The following TGFBR3 variants were observed in gnomAD, a reference collection of about 807,000 sequenced individuals.
TGFBR3 encodes the protein transforming growth factor beta receptor type 3.
A neutral mutation model predicts 87.9 loss-of-function variants in TGFBR3; 46 were observed. The ratio of observed to expected loss-of-function variants is 0.52; its 90% CI spans 0.41 to 0.67. The LOEUF (loss-of-function observed/expected upper bound fraction) is 0.67. TGFBR3 is among the 30% of genes least tolerant of loss of function. The pLI is 0.00. For synonymous variants in TGFBR3, 381 were observed against 391.6 expected (o/e 0.97, Z 0.32); for missense variants, 866 against 1,041.9 (o/e 0.83, Z 2.32).
At chr1:91,844,805 A>G (rs1453579742) in intron 2 of TGFBR3, among the ~76,000 whole-genome samples, 1 of 152,234 alleles carries the variant, frequency 6.6e-6, no homozygotes, top group East Asian at 1.9e-4. Context: ...TTTTAACCAT[A>G]ATAAAGCAGC....
chr1:91,849,813 T>C (rs1215838478), intron 2 of TGFBR3, among the ~76,000 whole-genome samples: 26 of 151,966 alleles, frequency 1.7e-4, no homozygotes, highest in Admixed American at 1.6e-3. Flanking sequence ...GCCAGCGAGG[T>C]GGCTCACGCC....
chr1:91,886,470 C>T (rs1679322143), upstream of TGFBR3, among the ~76,000 whole-genome samples: 1 of 152,192 alleles, frequency 6.6e-6, no homozygotes, highest in Non-Finnish European at 1.5e-5. Context: ...CGGCCCCTGT[C>T]CTGGGGGAAG....
intron 4 of TGFBR3, among the ~76,000 whole-genome samples, 168 bp from the exon 5 acceptor site, chr1:91,735,127 T>TA (rs1296355047): frequency 6.6e-6 from 1 of 152,234 alleles, no homozygotes; most frequent in Non-Finnish European, 1.5e-5. Context: ...ATCCCAAGCC[T>TA]AGTCCTCCCA....
At chr1:91,827,041 A>T (rs1181332353) in intron 2 of TGFBR3, among the ~76,000 whole-genome samples, 1 of 152,192 alleles carries the variant, frequency 6.6e-6, no homozygotes, top group Non-Finnish European at 1.5e-5. Flanking sequence ...AGTTGCCTTT[A>T]TTGATTCAAG....
intron 3 of TGFBR3, among the ~76,000 whole-genome samples, chr1:91,764,602 C>T (rs114313116): frequency 3.6e-4 from 55 of 152,064 alleles, no homozygotes; most frequent in African/African-American, 1.2e-3. Flanking sequence ...GCAGGCAAAG[C>T]GGAGACCCTG....
chr1:91,707,009 G>C (rs1671820108), intron 14 of TGFBR3, among the ~76,000 whole-genome samples: 2 of 152,180 alleles, frequency 1.3e-5, no homozygotes, highest in Non-Finnish European at 2.9e-5. Flanking sequence ...ATGTTGCCGA[G>C]AACATCTCAT....
Position 91,683,676 on chromosome 1 carries a change from C to A in TGFBR3, c.*63G>T. The A allele has an allele frequency of 7.3e-7, 1 of 1,373,484 alleles. No individual in the cohort carries two copies. The highest frequency in any genetic ancestry group is 1.0e-6 in the Non-Finnish European group (1 of 1,002,258). 85.1% of individuals were successfully genotyped at this position (1,373,484 alleles called of 1,614,324 possible). A position where few individuals can be genotyped will look rare whatever the true frequency, so the allele number is the denominator to read the frequency against. ...ACACGAGGCTCAGCCATTGGTCCTG[C>A]CCTTGGCAGTAGCTGAGCTGAGCTG... On this transcript the variant is annotated 3_prime_UTR_variant, in exon 17 of 17. Coordinates refer to ENST00000212355, the MANE Select transcript of TGFBR3 (RefSeq NM_003243.5).
chr1:91,695,549 T>C, intron 16 of TGFBR3, 123 bp downstream of exon 16: 1 of 861,086 alleles, frequency 1.2e-6, no homozygotes. Context: ...AATATGTAAA[T>C]GTAAAAATAG....
chr1:91,689,136 C>T (rs566468754), intron 16 of TGFBR3, among the ~76,000 whole-genome samples: 4 of 152,288 alleles, frequency 2.6e-5, no homozygotes, highest in African/African-American at 9.6e-5. Flanking sequence ...AGCATCTGGC[C>T]ATTCATACCC....
upstream of TGFBR3, among the ~76,000 whole-genome samples, chr1:91,888,723 G>T (rs917847268): frequency 5.5e-4 from 83 of 152,044 alleles, no homozygotes; most frequent in African/African-American, 1.9e-3. Flanking sequence ...TAAATTAAAT[G>T]TATCAATCAT....
intron 16 of TGFBR3, among the ~76,000 whole-genome samples, chr1:91,690,700 T>A (rs918339609): frequency 2.0e-5 from 3 of 152,102 alleles, no homozygotes; most frequent in Admixed American, 2.0e-4. Context: ...TTTATTTTTA[T>A]CAGTGCCCAT....
At chr1:91,846,046 T>C (rs1235283302) in intron 2 of TGFBR3, among the ~76,000 whole-genome samples, 1 of 152,236 alleles carries the variant, frequency 6.6e-6, no homozygotes, top group Non-Finnish European at 1.5e-5. Context: ...TCTCTAGGTC[T>C]GCAAGTGTCC....
chr1:91,783,497 T>C (rs993811611), intron 3 of TGFBR3, among the ~76,000 whole-genome samples: 3 of 152,184 alleles, frequency 2.0e-5, no homozygotes, highest in Admixed American at 2.0e-4. Context: ...GCAGCAGGTC[T>C]TCCAAACACA....
chr1:91,767,184 A>G (rs188645594), intron 3 of TGFBR3, among the ~76,000 whole-genome samples: 1 of 134,414 alleles, frequency 7.4e-6, no homozygotes, highest in African/African-American at 2.8e-5. Context: ...AATTTGTAAT[A>G]GCAAAAACAA....
At chr1:91,777,766 G>A (rs1261691057) in intron 3 of TGFBR3, among the ~76,000 whole-genome samples, 1 of 152,138 alleles carries the variant, frequency 6.6e-6, no homozygotes, top group African/African-American at 2.4e-5. Flanking sequence ...TCTGTTACAG[G>A]TGTTGCTCTT....
In TGFBR3 at chr1:91,856,382, T is replaced by C. The variant is rs77232567; in HGVS notation, c.61+5089A>G. Among the ~76,000 whole-genome samples the C allele has an allele frequency of 5.8e-3, 876 of 152,124 alleles. 13 individuals are homozygous for C. Among genetic ancestry groups the C allele is most frequent in the African/African-American group, 0.02 (830 of 41,502 alleles). On this transcript the variant is annotated intron_variant, in intron 2 of 16. Transcript: ENST00000212355. ...CGCCCAGCCGAAAGCATGAGTTTTG[T>C]CAGAACAACACTAACACTGGGACAT...
chr1:91,873,457 A>AT (rs963837959), intron 1 of TGFBR3, among the ~76,000 whole-genome samples: 15 of 148,884 alleles, frequency 1.0e-4, no homozygotes, highest in South Asian at 2.1e-4. Context: ...TAATTTTTGT[A>AT]TTTTTTTTTA....
chr1:91,698,373 A>G (rs1448940741), intron 14 of TGFBR3, among the ~76,000 whole-genome samples: 1 of 152,154 alleles, frequency 6.6e-6, no homozygotes, highest in Non-Finnish European at 1.5e-5. Flanking sequence ...GAAGGCAAAC[A>G]CCTAAACTTA....
chr1:91,875,240 C>G (rs1049324167), intron 1 of TGFBR3, among the ~76,000 whole-genome samples: 1 of 152,088 alleles, frequency 6.6e-6, no homozygotes, highest in Admixed American at 6.5e-5. Flanking sequence ...TGAAGCCCCA[C>G]TGGAGGAGCT....
Sources: allele counts gnomAD v4.1 joint callset (sites outside exome capture counted in the v4.1 genomes callset), GRCh38; gene constraint gnomAD v4.1.1; transcripts MANE v1.5; gene names NCBI Gene and HGNC (gene_info 2026-07-23, HGNC 2026-07-21).